RAD54L: variants seen among roughly 807,000 people sequenced by gnomAD.
The protein encoded by RAD54L is DNA repair and recombination protein RAD54-like.
RAD54L carries 74 observed loss-of-function variants against 91.6 expected under a neutral mutation model. The ratio of observed to expected loss-of-function variants is 0.81; its 90% CI spans 0.67 to 0.98. The LOEUF is 0.98. Ranked by LOEUF, RAD54L falls within the 50% of genes least tolerant of loss-of-function variation. The probability of loss-of-function intolerance (pLI) is 0.00; values close to 1 mark genes in which losing one functional copy is unlikely to be tolerated. For missense variants in RAD54L, 887 were observed against 945.7 expected (o/e 0.94, Z 0.81); for synonymous variants, 304 against 349.7 (o/e 0.87, Z 1.46).
Position 46,278,327 on chromosome 1 carries a change from A to T in RAD54L, c.*45A>T. 6.5e-7 allele frequency: 1 copy of T among 1,549,878 alleles called. No homozygotes were observed. Among genetic ancestry groups the T allele is most frequent in the Non-Finnish European group, 8.8e-7 (1 of 1,138,732 alleles). On this transcript the variant is annotated 3_prime_UTR_variant, in exon 18 of 18. Transcript: ENST00000371975. ...TAGCTCTTAGAGGAAGGAGATAGGGAAAAGGGGCTCCTTGCTCCACAGGGC... is the reference window on the plus strand; with the variant it reads ...TAGCTCTTAGAGGAAGGAGATAGGGTAAAGGGGCTCCTTGCTCCACAGGGC...
At chr1:46,264,267 A>G (rs1247768372) in intron 8 of RAD54L, among the ~76,000 whole-genome samples, 1 of 152,192 alleles carries the variant, frequency 6.6e-6, no homozygotes, top group Non-Finnish European at 1.5e-5. Context: ...CTGAGGAACC[A>G]AAAGTCCTGA....
chr1:46,260,489 G>C, intron 5 of RAD54L, 53 bp from the exon 6 acceptor site: 4 of 1,544,686 alleles, frequency 2.6e-6, no homozygotes, highest in Non-Finnish European at 3.6e-6. Context: ...CTTCCTGAGG[G>C]TGCTCCCTTG....
chr1:46,274,826 C>A, intron 16 of RAD54L, 109 bp downstream of exon 16: 1 of 1,299,928 alleles, frequency 7.7e-7, no homozygotes, highest in Non-Finnish European at 1.1e-6. Flanking sequence ...TAGCAGTAGC[C>A]AAGCTATGGG....
At chr1:46,258,366 G>A (rs906454746) in intron 3 of RAD54L, among the ~76,000 whole-genome samples, 1 of 151,994 alleles carries the variant, frequency 6.6e-6, no homozygotes, top group Admixed American at 6.6e-5. Context: ...ATATGACAGT[G>A]GTTAAACCCA....
In RAD54L at chr1:46,273,751, G is replaced by A. The variant is rs1660508352; in HGVS notation, c.1610+4G>A. 6.2e-7 allele frequency: 1 copy of A among 1,602,064 alleles called. No individual in the cohort carries two copies. Among genetic ancestry groups the A allele is most frequent in the Non-Finnish European group, 8.5e-7 (1 of 1,173,860 alleles). On this transcript the variant is annotated splice_donor_region_variant and intron_variant, in intron 14 of 17. Coordinates refer to ENST00000371975, the MANE Select transcript of RAD54L (RefSeq NM_003579.4). ...AGAAGCTGTGCCGTGCCCGAAGGTA[G>A]GGAAGATCCTAACCAGGATGCCAAA...
chr1:46,251,142 C>G (rs997243063), intron 3 of RAD54L, among the ~76,000 whole-genome samples: 1 of 151,978 alleles, frequency 6.6e-6, no homozygotes, highest in Non-Finnish European at 1.5e-5. Context: ...AATCCCGTCT[C>G]TATTAAAAAT....
chr1:46,265,548 A>G lies in RAD54L; in HGVS notation c.892-1911A>G, dbSNP rs761418185. On this transcript the variant is annotated intron_variant, in intron 8 of 17. Coordinates refer to ENST00000371975, the MANE Select transcript of RAD54L (RefSeq NM_003579.4). This position sits in a 1 kb window ranked among gnomAD's most constrained non-coding sequence, Gnocchi z 4.8. ...CTTAACCTCCCAAAGTGCTAGGATTACAGGCATGAGCCACCATGCCCCGTT... is the reference window on the plus strand; with the variant it reads ...CTTAACCTCCCAAAGTGCTAGGATTGCAGGCATGAGCCACCATGCCCCGTT... Among the ~76,000 whole-genome samples the G allele has an allele frequency of 6.6e-6, 1 of 152,222 alleles. No individual in the cohort carries two copies. The highest frequency in any genetic ancestry group is 2.4e-5 in the African/African-American group (1 of 41,472).
chr1:46,266,718 C>T (rs1432478393), intron 8 of RAD54L, among the ~76,000 whole-genome samples: 3 of 152,260 alleles, frequency 2.0e-5, no homozygotes, highest in East Asian at 1.9e-4. Context: ...GAGTCTAATA[C>T]AGAAGGCGTC....
At chr1:46,248,673 G>C (rs1234168762) in intron 2 of RAD54L, 75 bp downstream of exon 2, 5 of 1,351,030 alleles carry the variant, frequency 3.7e-6, no homozygotes, top group East Asian at 2.4e-5. Context: ...GGTTTCTAGG[G>C]TTACATAGCC....
intron 16 of RAD54L, among the ~76,000 whole-genome samples, chr1:46,276,206 TTCTTTC>T (rs1454802484): frequency 1.3e-5 from 2 of 152,148 alleles, no homozygotes; most frequent in Non-Finnish European, 2.9e-5. Context: ...TTGAGACACT[TTCTTTC>T]TGTTGCCTAA....
Position 46,261,337 on chromosome 1 carries a change from TG to T in RAD54L, c.844del (p.Val282LeufsTer34). 1 of 1,613,964 alleles carries T rather than the reference TG, an allele frequency of 6.2e-7. No homozygotes were observed. The highest frequency in any genetic ancestry group is 8.5e-7 in the Non-Finnish European group (1 of 1,179,966). ...IISYETFRLH[V>X]GVLQKGSVGL... is the part of the protein sequence containing the mutation. ...TTTCCTATGAGACCTTCCGCCTTCA[TG>T]TTGGAGTCCTCCAGAAAGGAAGTGT... On this transcript the variant is annotated frameshift_variant, in exon 8 of 18. Coordinates refer to ENST00000371975, the MANE Select transcript of RAD54L (RefSeq NM_003579.4). LOFTEE classifies it high-confidence loss of function.
In RAD54L at chr1:46,250,069, C is replaced by T. The variant is rs762922483; in HGVS notation, c.160C>T (p.Pro54Ser). ...QECFLSPFRK[P>S]LSQLTNQPPC... is the part of the protein sequence containing the mutation. Reference sequence around the variant, plus strand: ...GTGTTTCCTGTCTCCTTTTCGGAAACCTTTGAGTCAGCTAACCAATCAACC... The same window carrying T: ...GTGTTTCCTGTCTCCTTTTCGGAAATCTTTGAGTCAGCTAACCAATCAACC... The change falls in exon 3 of 18, where the codon CCT becomes TCT. Residue 54 changes from proline (P) to serine (S), a missense_variant. Coordinates refer to ENST00000371975, the MANE Select transcript of RAD54L (RefSeq NM_003579.4). 6.2e-7 allele frequency: 1 copy of T among 1,614,128 alleles called. No homozygotes were observed. Among genetic ancestry groups the T allele is most frequent in the Non-Finnish European group, 8.5e-7 (1 of 1,180,026 alleles).
intron 4 of RAD54L, among the ~76,000 whole-genome samples, chr1:46,259,308 C>T (rs891233488): frequency 7.2e-5 from 11 of 152,046 alleles, no homozygotes; most frequent in Non-Finnish European, 1.3e-4. Flanking sequence ...TGAGATACTA[C>T]GCTTGGCTGT....
rs1234858217 is a variant in RAD54L, at chr1:46,273,343, G to A, written c.1376-12G>A. The stretch of plus-strand genomic sequence containing the variant: ...AAGCAAAGTATCTGGGTTTTGTTTT[G>A]TTTTCTCCCAGATCCAGCTCTAATC... On this transcript the variant is annotated splice_polypyrimidine_tract_variant and intron_variant, in intron 12 of 17. Transcript: ENST00000371975. 6.3e-7 allele frequency: 1 copy of A among 1,597,292 alleles called. No individual in the cohort carries two copies. The highest frequency in any genetic ancestry group is 2.2e-5 in the East Asian group (1 of 44,764).
At chr1:46,273,865 T>C in intron 14 of RAD54L, 118 bp downstream of exon 14, 1 of 1,389,446 alleles carries the variant, frequency 7.2e-7, no homozygotes, top group Non-Finnish European at 9.9e-7. Context: ...TCCCTGGAGA[T>C]ATCTTCCCTT....
In RAD54L at chr1:46,260,942, G is replaced by GA; in HGVS notation, c.696dup (p.Trp233MetfsTer16). The GA allele has an allele frequency of 6.2e-7, 1 of 1,614,224 alleles. No individual in the cohort carries two copies. ...TGAAGAACTGGTACAATGAGGTTGGGAAATGGCTCGGAGGGAGGATCCAAC... is the reference window on the plus strand; with the variant it reads ...TGAAGAACTGGTACAATGAGGTTGGGAAAATGGCTCGGAGGGAGGATCCAAC... On this transcript the variant is annotated frameshift_variant, in exon 7 of 18. Coordinates refer to ENST00000371975, the MANE Select transcript of RAD54L (RefSeq NM_003579.4). LOFTEE classifies it high-confidence loss of function.
At position 46,278,468 on chromosome 1, in the gene RAD54L, A is replaced by G; in HGVS notation, c.*186A>G. 1.3e-6 allele frequency: 1 copy of G among 744,750 alleles called. No homozygotes were observed. The highest frequency in any genetic ancestry group is 2.2e-6 in the Non-Finnish European group (1 of 454,196). The allele number at this position is 744,750 out of a possible 1,614,324, so 46.1% of individuals were successfully genotyped here. On this transcript the variant is annotated 3_prime_UTR_variant, in exon 18 of 18. Transcript: ENST00000371975. ...TTAAAAAAAAGAATAAAGGTATGAA[A>G]GGGTTTGAGGCCTGAGAGCAGTGTG...
At chr1:46,257,146 A>G (rs1659965687) in intron 3 of RAD54L, among the ~76,000 whole-genome samples, 1 of 147,296 alleles carries the variant, frequency 6.8e-6, no homozygotes, top group Non-Finnish European at 1.5e-5. Flanking sequence ...TCCATCTCAA[A>G]AAAAAAAAAA....
In RAD54L at chr1:46,260,938, T is replaced by A; in HGVS notation, c.689T>A (p.Val230Asp). The A allele has an allele frequency of 6.2e-7, 1 of 1,614,074 alleles. No individual in the cohort carries two copies. Among genetic ancestry groups the A allele is most frequent in the Non-Finnish European group, 8.5e-7 (1 of 1,180,014 alleles). The change falls in exon 7 of 18, where the codon GTT (valine) becomes GAT (aspartate). Residue 230 changes from valine (V) to aspartate (D), a missense_variant. Physicochemically the swap from Val to Asp is radical, Grantham distance 152. Transcript: ENST00000371975. ...CTGGTGAAGAACTGGTACAATGAGGTTGGGAAATGGCTCGGAGGGAGGATC... is the reference window on the plus strand; with the variant it reads ...CTGGTGAAGAACTGGTACAATGAGGATGGGAAATGGCTCGGAGGGAGGATC... ...SSLVKNWYNE[V>D]GKWLGGRIQP...
Sources: allele counts gnomAD v4.1 joint callset (sites outside exome capture counted in the v4.1 genomes callset), GRCh38; gene constraint gnomAD v4.1.1; non-coding constraint Gnocchi (gnomAD v3.1); transcripts MANE v1.5; gene names NCBI Gene and HGNC (gene_info 2026-07-23, HGNC 2026-07-21).